The following EYA1 variants were observed in gnomAD, a reference collection of about 807,000 sequenced individuals.
EYA1 encodes the protein EYA transcriptional coactivator and phosphatase 1.
A neutral mutation model predicts 82.0 loss-of-function variants in EYA1; 16 were observed. The observed-to-expected ratio is 0.20, with a 90% CI of 0.13 to 0.30. The LOEUF is 0.30. Ranked by LOEUF, EYA1 falls within the 10% of genes least tolerant of loss-of-function variation. The pLI, the probability that EYA1 is intolerant of heterozygous loss-of-function variation, is 1.00. For missense variants in EYA1, 633 were observed against 730.7 expected (o/e 0.87, Z 1.54); for synonymous variants, 261 against 264.4 (o/e 0.99, Z 0.12).
chr8:71,356,379 T>C (rs1021694446), intron 2 of EYA1, 83 bp downstream of exon 2: 5 of 1,184,796 alleles, frequency 4.2e-6, no homozygotes, highest in Non-Finnish European at 4.8e-6. Flanking sequence ...TTAATAGAAA[T>C]AATTAAGAAA....
chr8:71,321,654 G>T, intron 6 of EYA1, 80 bp downstream of exon 6: 1 of 1,528,270 alleles, frequency 6.5e-7, no homozygotes, highest in Non-Finnish European at 8.9e-7. Context: ...CCAAAGATTG[G>T]GTCTTTAAGT....
intron 12 of EYA1, among the ~76,000 whole-genome samples, chr8:71,221,918 C>G (rs532873520): frequency 1.3e-5 from 2 of 152,270 alleles, no homozygotes; most frequent in African/African-American, 4.8e-5. Flanking sequence ...AGGCTCAGTT[C>G]CCAAGGGTAA....
At chr8:71,431,139 A>G (rs538599615) in intron 2 of EYA1, among the ~76,000 whole-genome samples, 2 of 152,120 alleles carry the variant, frequency 1.3e-5, no homozygotes, top group Non-Finnish European at 2.9e-5. Context: ...CTATTTTTTG[A>G]GTATAATCAT....
At chr8:71,276,335 T>C (rs1817169847) in intron 9 of EYA1, among the ~76,000 whole-genome samples, 1 of 152,156 alleles carries the variant, frequency 6.6e-6, no homozygotes, top group Admixed American at 6.5e-5. Flanking sequence ...CTTGGTAATA[T>C]TTGTAGGAGG....
intron 2 of EYA1, among the ~76,000 whole-genome samples, chr8:71,461,360 G>C (rs1808349812): frequency 6.6e-6 from 1 of 152,162 alleles, no homozygotes; most frequent in South Asian, 2.1e-4. Context: ...TGCCATGGTG[G>C]GGCAGGCAGC....
chr8:71,392,822 T>C (rs568015491), intron 2 of EYA1, among the ~76,000 whole-genome samples: 1 of 152,272 alleles, frequency 6.6e-6, no homozygotes, highest in Admixed American at 6.5e-5. Flanking sequence ...TAAGATAATA[T>C]TTTTAGTGAA....
intron 1 of EYA1, among the ~76,000 whole-genome samples, chr8:71,359,948 T>A (rs1043295639): frequency 6.6e-6 from 1 of 152,202 alleles, no homozygotes; most frequent in Non-Finnish European, 1.5e-5. Context: ...ATATTCTTGC[T>A]AAAATTTCTC....
chr8:71,447,912 T>C (rs2129176336), intron 2 of EYA1, among the ~76,000 whole-genome samples: 1 of 152,228 alleles, frequency 6.6e-6, no homozygotes, highest in African/African-American at 2.4e-5. Context: ...GCTGTGGCAA[T>C]TCCTTAAAAT....
At chr8:71,313,354 T>C (rs1468046719) in intron 7 of EYA1, among the ~76,000 whole-genome samples, 1 of 152,176 alleles carries the variant, frequency 6.6e-6, no homozygotes, top group South Asian at 2.1e-4. Context: ...TATTTTGTTA[T>C]ATATATTATT....
At chr8:71,219,223 C>T (rs1445219718) in intron 12 of EYA1, among the ~76,000 whole-genome samples, 1 of 152,162 alleles carries the variant, frequency 6.6e-6, no homozygotes, top group Non-Finnish European at 1.5e-5. Flanking sequence ...ATTGTTCAAT[C>T]TCTAGCTTAG....
chr8:71,218,335 G>T (rs1296117888), intron 12 of EYA1, among the ~76,000 whole-genome samples: 1 of 151,986 alleles, frequency 6.6e-6, no homozygotes, highest in Non-Finnish European at 1.5e-5. Context: ...TTATGTTGCC[G>T]GTCCCTTCTG....
At chr8:71,348,536 G>A (rs1289280701) in intron 3 of EYA1, among the ~76,000 whole-genome samples, 1 of 152,220 alleles carries the variant, frequency 6.6e-6, no homozygotes, top group Non-Finnish European at 1.5e-5. Context: ...CTAGACCTTA[G>A]TTATCAGCAA....
intron 2 of EYA1, among the ~76,000 whole-genome samples, chr8:71,512,891 T>C (rs1369200513): frequency 6.6e-6 from 1 of 152,138 alleles, no homozygotes. Context: ...AACTATCAAA[T>C]GTAAGTTGCT....
intron 2 of EYA1, among the ~76,000 whole-genome samples, chr8:71,484,600 A>G (rs1586809264): frequency 6.6e-6 from 1 of 152,314 alleles, no homozygotes; most frequent in Non-Finnish European, 1.5e-5. Flanking sequence ...AGAAGGATAC[A>G]CTGACTTCCC....
intron 2 of EYA1, among the ~76,000 whole-genome samples, chr8:71,456,702 G>C (rs1017984058): frequency 1.3e-5 from 2 of 152,116 alleles, no homozygotes; most frequent in African/African-American, 2.4e-5. Context: ...AAACTGGCTA[G>C]CCATATGTAG....
intron 2 of EYA1, among the ~76,000 whole-genome samples, chr8:71,505,910 C>A (rs918458147): frequency 1.3e-5 from 2 of 152,134 alleles, no homozygotes; most frequent in Admixed American, 1.3e-4. Context: ...GTTTCCCCAA[C>A]ACTGTTCTCA....
At chr8:71,345,785 T>C (rs1825629206) in intron 3 of EYA1, among the ~76,000 whole-genome samples, 1 of 152,192 alleles carries the variant, frequency 6.6e-6, no homozygotes, top group Non-Finnish European at 1.5e-5. Flanking sequence ...CCACTACCCC[T>C]TGAATACAGT....
At chr8:71,373,886 G>C (rs964523127) in intron 2 of EYA1, among the ~76,000 whole-genome samples, 7 of 152,064 alleles carry the variant, frequency 4.6e-5, no homozygotes, top group Non-Finnish European at 7.4e-5. Flanking sequence ...GACCAATAAG[G>C]AAAGGATAGT....
intron 5 of EYA1, 121 bp downstream of exon 5, chr8:71,322,078 A>C: frequency 2.7e-6 from 3 of 1,109,882 alleles, no homozygotes; most frequent in Non-Finnish European, 4.1e-6. Flanking sequence ...ATATGTTTAC[A>C]TCTCTATGAA....
Sources: gnomAD v4.1 joint callset for allele counts (sites outside exome capture counted in the v4.1 genomes callset) on GRCh38, gnomAD v4.1.1 for gene constraint, MANE v1.5 for transcripts, NCBI Gene and HGNC (gene_info 2026-07-23, HGNC 2026-07-21) for gene names.